Variants in PCSK5 observed in about 807,000 individuals in gnomAD.
The protein encoded by PCSK5 is prohormone convertase 5.
Under a neutral mutation model 233.2 loss-of-function variants are expected in PCSK5, and 129 were observed. The observed-to-expected ratio is 0.55, with a 90% CI of 0.48 to 0.64. PCSK5 has a LOEUF of 0.64. PCSK5 is among the 30% of genes least tolerant of loss of function. The pLI is 0.00. For synonymous variants in PCSK5, 825 were observed against 879.2 expected, an observed-to-expected ratio of 0.94 and a Z score of 1.09; for missense variants, 2,076 against 2,430.1, an observed-to-expected ratio of 0.85 and a Z score of 3.06.
At chr9:76,230,598 AG>A (rs1240544692) in intron 21 of PCSK5, among the ~76,000 whole-genome samples, 2 of 152,226 alleles carry the variant, frequency 1.3e-5, no homozygotes, top group Non-Finnish European at 2.9e-5. Flanking sequence ...GCACAGCAGC[AG>A]GTGAGCAGCA....
chr9:76,230,982 G>T (rs1264979462), intron 21 of PCSK5, among the ~76,000 whole-genome samples: 1 of 151,998 alleles, frequency 6.6e-6, no homozygotes, highest in South Asian at 2.1e-4. Flanking sequence ...ACCATCCTCT[G>T]CCCCCCATTT....
intron 24 of PCSK5, among the ~76,000 whole-genome samples, chr9:76,245,355 A>G (rs1395229827): frequency 6.6e-6 from 1 of 152,188 alleles, no homozygotes; most frequent in Non-Finnish European, 1.5e-5. Context: ...ATTGCAAAAA[A>G]AAGAGAAAGG....
intron 9 of PCSK5, among the ~76,000 whole-genome samples, chr9:76,114,246 C>T (rs1832337091): frequency 6.6e-6 from 1 of 152,072 alleles, no homozygotes; most frequent in Admixed American, 6.6e-5. Context: ...TGAGGCCTAG[C>T]GGACAGAGAA....
intron 6 of PCSK5, among the ~76,000 whole-genome samples, 160 bp downstream of exon 6, chr9:76,068,203 G>T (rs1030177581): frequency 1.2e-4 from 19 of 152,012 alleles, no homozygotes; most frequent in Admixed American, 1.2e-3. Context: ...GTTAGCATGC[G>T]CCTTTAAATA....
In PCSK5 at chr9:76,150,360, G is replaced by T. The variant is rs535592627; in HGVS notation, c.1313-6685G>T. ...ATAAAAACAAACCAGGCAGCCGGGC[G>T]CAGTGGCTCACACCTGTAATCCCAA... On this transcript the variant is annotated intron_variant, in intron 10 of 37. Transcript: ENST00000674117. Among the ~76,000 whole-genome samples the T allele has an allele frequency of 5.3e-5, 8 of 152,282 alleles. No individual in the cohort carries two copies. The South Asian group carries it at 1.5e-3, about 28-fold the overall frequency.
intron 1 of PCSK5, among the ~76,000 whole-genome samples, chr9:75,931,318 A>G (rs139703344): frequency 6.7e-6 from 1 of 148,546 alleles, no homozygotes; most frequent in Admixed American, 6.8e-5. Flanking sequence ...AAACATCCTG[A>G]TGATAGTTAT....
chr9:76,120,056 G>A (rs1053065560), intron 9 of PCSK5, among the ~76,000 whole-genome samples: 1 of 151,902 alleles, frequency 6.6e-6, no homozygotes, highest in African/African-American at 2.4e-5. Flanking sequence ...ATGCGATGCT[G>A]TTTTCTTGTT....
intron 3 of PCSK5, among the ~76,000 whole-genome samples, chr9:76,018,719 T>G (rs1828057997): frequency 6.6e-6 from 1 of 152,136 alleles, no homozygotes; most frequent in Admixed American, 6.5e-5. Flanking sequence ...TTGCTGAAAA[T>G]TTTCAAATAT....
intron 2 of PCSK5, among the ~76,000 whole-genome samples, chr9:75,938,689 G>A (rs972748494): frequency 6.6e-6 from 1 of 152,178 alleles, no homozygotes; most frequent in African/African-American, 2.4e-5. Flanking sequence ...TAAGTGTTTT[G>A]TGGGAAAATA....
chr9:76,304,623 A>C (rs919224252), intron 28 of PCSK5, among the ~76,000 whole-genome samples: 2 of 102,272 alleles, frequency 2.0e-5, no homozygotes, highest in African/African-American at 7.8e-5. Flanking sequence ...TTTAGAGACA[A>C]GGAAAGTAGG....
chr9:76,227,154 C>G (rs1825921106), intron 20 of PCSK5, among the ~76,000 whole-genome samples: 1 of 152,116 alleles, frequency 6.6e-6, no homozygotes, highest in Admixed American at 6.5e-5. Flanking sequence ...ACCAGGAGAC[C>G]TCAGCTTTTA....
chr9:76,168,190 C>T (rs900983277), intron 12 of PCSK5, among the ~76,000 whole-genome samples: 1 of 152,172 alleles, frequency 6.6e-6, no homozygotes, highest in Admixed American at 6.5e-5. Flanking sequence ...CTCCCTCTGT[C>T]ATCCAGGCTG....
At chr9:76,219,893 T>G (rs530907933) in intron 20 of PCSK5, among the ~76,000 whole-genome samples, 1 of 152,346 alleles carries the variant, frequency 6.6e-6, no homozygotes, top group Non-Finnish European at 1.5e-5. Flanking sequence ...TGTCAACATG[T>G]ATTAAAACTT....
chr9:76,083,866 A>T (rs1161185449), intron 7 of PCSK5, among the ~76,000 whole-genome samples: 1 of 152,240 alleles, frequency 6.6e-6, no homozygotes, highest in Non-Finnish European at 1.5e-5. Flanking sequence ...AAACTTAACT[A>T]ATTCCATCCA....
rs370234344 is a variant in PCSK5 at position 76,246,295 on chromosome 9, T to A, written c.3142+5611T>A. On this transcript the variant is annotated intron_variant, in intron 24 of 37. Coordinates refer to ENST00000674117, the MANE Select transcript of PCSK5 (RefSeq NM_001372043.1). The stretch of plus-strand genomic sequence containing the variant: ...AGACAGAAGTTGCAGTGAGCTGAGA[T>A]TGCGCCACTGCACTCCACCCTGGGC... 2.1e-5 allele frequency among the ~76,000 whole-genome samples: 3 copies of A among 141,232 alleles called. No homozygotes were observed. The Admixed American group carries it at 2.3e-4, about 11-fold the overall frequency. The allele number at this position is 141,232 out of a possible 152,430, so 92.7% of individuals were successfully genotyped here.
intron 10 of PCSK5, among the ~76,000 whole-genome samples, chr9:76,153,604 A>G (rs116259760): frequency 0.016 from 2,393 of 152,274 alleles, 58 homozygotes; most frequent in African/African-American, 0.052. Flanking sequence ...ATCGTAACCA[A>G]CTGTTTGCAT....
At position 75,891,151 on chromosome 9, in the gene PCSK5, G is replaced by A. The variant is rs780335922; in HGVS notation, c.-31G>A. Reference sequence around the variant, plus strand: ...CGCCCTTAGTGCGCGGAACCAGCCAGCGAGCGAGGGAGCAGCGAGGCGCCG... The same window carrying A: ...CGCCCTTAGTGCGCGGAACCAGCCAACGAGCGAGGGAGCAGCGAGGCGCCG... On this transcript the variant is annotated 5_prime_UTR_variant, in exon 1 of 38. Transcript: ENST00000674117. The A allele has an allele frequency of 6.9e-7, 1 of 1,442,258 alleles. No individual in the cohort carries two copies. The highest frequency in any genetic ancestry group is 1.6e-5 in the South Asian group (1 of 62,434). 89.3% of individuals were successfully genotyped at this position (1,442,258 alleles called of 1,614,324 possible). A position where few individuals can be genotyped will look rare whatever the true frequency, so the allele number is the denominator to read the frequency against.
At chr9:75,962,177 T>A (rs1825382169) in intron 2 of PCSK5, among the ~76,000 whole-genome samples, 2 of 151,884 alleles carry the variant, frequency 1.3e-5, no homozygotes. Flanking sequence ...CCTCTCTGAG[T>A]GGAGTTGAGG....
chr9:76,046,160 GTTTTTTTTTTTTTTTT>G (rs71372041), intron 5 of PCSK5, among the ~76,000 whole-genome samples: 174 of 58,012 alleles, frequency 3.0e-3, no homozygotes, highest in African/African-American at 5.8e-3. Flanking sequence ...TTTTTCTTTT[GTTTTTTTTTTTTTTTT>G]TTTTTTTTTT....
Sources: gnomAD v4.1 joint callset for allele counts (sites outside exome capture counted in the v4.1 genomes callset) on GRCh38, gnomAD v4.1.1 for gene constraint, MANE v1.5 for transcripts, NCBI Gene and HGNC (gene_info 2026-07-23, HGNC 2026-07-21) for gene names.